Variants in RALGAPB observed in about 807,000 individuals in gnomAD.
RALGAPB encodes the protein ral GTPase-activating protein subunit beta.
In RALGAPB, 25 loss-of-function variants were observed where a neutral mutation model predicts 161.1. The observed-to-expected ratio is 0.16, with a 90% CI of 0.11 to 0.22. RALGAPB has a LOEUF of 0.22. RALGAPB is among the 10% of genes least tolerant of loss of function. RALGAPB has a pLI of 1.00. For missense variants in RALGAPB, 1,391 were observed against 1,815.2 expected, an observed-to-expected ratio of 0.77 and a Z score of 4.25; for synonymous variants, 629 against 626.1, an observed-to-expected ratio of 1.00 and a Z score of -0.07.
chr20:38,570,124 G>T, intron 27 of RALGAPB, 128 bp downstream of exon 27: 1 of 664,948 alleles, frequency 1.5e-6, no homozygotes, highest in Non-Finnish European at 2.6e-6. Flanking sequence ...AGCAAGCCTT[G>T]GTTTGTACCC....
At chr20:38,563,775 G>A (rs954831342) in intron 24 of RALGAPB, among the ~76,000 whole-genome samples, 1 of 152,146 alleles carries the variant, frequency 6.6e-6, no homozygotes, top group Admixed American at 6.5e-5. Context: ...AATTCCAGAG[G>A]TTGGTTAAGT....
chr20:38,487,837 C>T (rs150268723), intron 1 of RALGAPB, among the ~76,000 whole-genome samples: 1,592 of 152,134 alleles, frequency 0.01, 22 homozygotes, highest in African/African-American at 0.037. Flanking sequence ...GAGGCTGAGG[C>T]GGGTGGATCA....
chr20:38,517,184 T>G (rs1313906851), intron 7 of RALGAPB, among the ~76,000 whole-genome samples: 1 of 151,950 alleles, frequency 6.6e-6, no homozygotes, highest in Non-Finnish European at 1.5e-5. Context: ...GGAAGGAGAG[T>G]CTGCATATAA....
At chr20:38,480,972 G>A (rs1035693296) in intron 1 of RALGAPB, among the ~76,000 whole-genome samples, 8 of 150,634 alleles carry the variant, frequency 5.3e-5, no homozygotes, top group African/African-American at 1.7e-4. Flanking sequence ...TCCTGACCTC[G>A]TGATCTGCCC....
rs1162795262 is a variant in RALGAPB, at chr20:38,517,532, G to C, written c.1078G>C (p.Ala360Pro). ...TATTTCTAGACCCCGATCAGACAGT[G>C]CTCCCCCAACACCCGTGAATAGATT... ...LGISRPRSDS[A>P]PPTPVNRLSM... Residue 360 changes from alanine (A) to proline (P), a missense_variant, in exon 8 of 30, where the codon GCT becomes CCT. By Grantham distance (27) the Ala-to-Pro change is conservative (BLOSUM62 -1). Coordinates refer to ENST00000262879, the MANE Select transcript of RALGAPB (RefSeq NM_020336.4). 3.7e-6 allele frequency: 6 copies of C among 1,600,452 alleles called. No homozygotes were observed. The highest frequency in any genetic ancestry group is 5.1e-6 in the Non-Finnish European group (6 of 1,175,328).
Position 38,534,794 on chromosome 20 carries a change from C to T in RALGAPB, c.2246-280C>T, listed in dbSNP as rs142808572. Among the ~76,000 whole-genome samples the T allele has an allele frequency of 9.2e-5, 14 of 152,264 alleles. No individual in the cohort carries two copies. In the East Asian group the frequency reaches 2.5e-3, roughly 27 times the overall value. ...TTGATAATTTAGAAACTTTAAATTA[C>T]GTTGTTATGAAAATGACACTGAAAC... On this transcript the variant is annotated intron_variant, in intron 15 of 29. Coordinates refer to ENST00000262879, the MANE Select transcript of RALGAPB (RefSeq NM_020336.4).
At chr20:38,544,730 A>G (rs1432200898) in intron 18 of RALGAPB, among the ~76,000 whole-genome samples, 1 of 152,194 alleles carries the variant, frequency 6.6e-6, no homozygotes, top group Non-Finnish European at 1.5e-5. Flanking sequence ...GGCCTCCCAA[A>G]GTGCTGGGAT....
At chr20:38,481,132 A>G (rs2084955264) in intron 1 of RALGAPB, among the ~76,000 whole-genome samples, 2 of 152,150 alleles carry the variant, frequency 1.3e-5, no homozygotes, top group South Asian at 2.1e-4. Context: ...TATGCTCTGT[A>G]TCTGTAGTCT....
Position 38,521,487 on chromosome 20 carries a change from C to A in RALGAPB, c.1418-10C>A, listed in dbSNP as rs1352964358. 4 of 1,613,928 alleles carry A rather than the reference C, an allele frequency of 2.5e-6. No homozygotes were observed. The Admixed American group carries it at 5.0e-5, about 20-fold the overall frequency. ...GCAAATATAATAAAACCCTCCTTTT[C>A]TCTCCCCAGCCATTACAACACAAGC... is the stretch of plus-strand genomic sequence containing the variant. On this transcript the variant is annotated splice_polypyrimidine_tract_variant and intron_variant, in intron 9 of 29. Transcript: ENST00000262879.
At chr20:38,479,832 C>G (rs1467522443) in intron 1 of RALGAPB, among the ~76,000 whole-genome samples, 1 of 152,202 alleles carries the variant, frequency 6.6e-6, no homozygotes. Context: ...TGTTACCCCC[C>G]TGACCGCCCT....
chr20:38,505,111 G>A (rs963906994), intron 5 of RALGAPB, among the ~76,000 whole-genome samples: 1 of 152,086 alleles, frequency 6.6e-6, no homozygotes, highest in African/African-American at 2.4e-5. Context: ...TTGTTCTACC[G>A]AAAAGACACA....
At chr20:38,480,743 CT>C (rs1180974660) in intron 1 of RALGAPB, among the ~76,000 whole-genome samples, 163 of 90,046 alleles carry the variant, frequency 1.8e-3, no homozygotes, top group African/African-American at 4.5e-3. Context: ...CCGCCCCCCC[CT>C]TTTTTTTTTT....
chr20:38,486,637 T>C (rs569706967), intron 1 of RALGAPB, among the ~76,000 whole-genome samples: 33 of 152,318 alleles, frequency 2.2e-4, no homozygotes, highest in African/African-American at 6.5e-4. Context: ...TCCTTTTTTT[T>C]CTTCTTAAAA....
At chr20:38,503,248 G>A (rs772680502) in intron 5 of RALGAPB, among the ~76,000 whole-genome samples, 2 of 152,182 alleles carry the variant, frequency 1.3e-5, no homozygotes, top group African/African-American at 4.8e-5. Context: ...TAGGCTATTA[G>A]TAGTTAAGTT....
chr20:38,528,475 A>G (rs2086541826), intron 13 of RALGAPB, among the ~76,000 whole-genome samples: 1 of 151,732 alleles, frequency 6.6e-6, no homozygotes, highest in South Asian at 2.1e-4. Context: ...GACTCAAGTG[A>G]TTCTTCTGCC....
chr20:38,555,056 C>T (rs1464220905), intron 22 of RALGAPB, among the ~76,000 whole-genome samples: 6 of 152,158 alleles, frequency 3.9e-5, no homozygotes, highest in Admixed American at 3.9e-4. Flanking sequence ...TCCACTCCAG[C>T]CTGGTTGACA....
In RALGAPB at chr20:38,548,652, C is replaced by T. The variant is rs1194315344; in HGVS notation, c.2903-37C>T. 8.7e-6 allele frequency: 13 copies of T among 1,495,666 alleles called. No homozygotes were observed. The Admixed American group carries it at 2.2e-4, about 26-fold the overall frequency. 92.6% of individuals were successfully genotyped at this position (1,495,666 alleles called of 1,614,324 possible). A position where few individuals can be genotyped will look rare whatever the true frequency, so the allele number is the denominator to read the frequency against. On this transcript the variant is annotated intron_variant, in intron 19 of 29. Coordinates refer to ENST00000262879, the MANE Select transcript of RALGAPB (RefSeq NM_020336.4). ...CAAGTTTATTTTAAATGGTTGTTGT[C>T]TGAAATTAAAACTTTTATATACATA...
chr20:38,515,602 A>G (rs1217244865), intron 6 of RALGAPB, among the ~76,000 whole-genome samples: 1 of 152,234 alleles, frequency 6.6e-6, no homozygotes, highest in Non-Finnish European at 1.5e-5. Flanking sequence ...AACTATTAAC[A>G]CTAATCCTGA....
At chr20:38,508,613 A>G (rs113676787) in intron 5 of RALGAPB, among the ~76,000 whole-genome samples, 3 of 152,034 alleles carry the variant, frequency 2.0e-5, no homozygotes, top group African/African-American at 7.2e-5. Flanking sequence ...TTTTTTTGGT[A>G]TACTTGTTTA....
Sources: gnomAD v4.1 joint callset for allele counts (sites outside exome capture counted in the v4.1 genomes callset) on GRCh38, gnomAD v4.1.1 for gene constraint, MANE v1.5 for transcripts, NCBI Gene and HGNC (gene_info 2026-07-23, HGNC 2026-07-21) for gene names.